The following BMPER variants were observed in gnomAD, a reference collection of about 807,000 sequenced individuals.
BMPER encodes BMP-binding endothelial regulator protein.
Under a neutral mutation model 87.3 loss-of-function variants are expected in BMPER, and 45 were observed. That is an observed-to-expected ratio of 0.52 (90% CI 0.41 to 0.66). The LOEUF (loss-of-function observed/expected upper bound fraction) is 0.66, where lower values mean the gene tolerates loss of function less well. Ranked by LOEUF, BMPER falls within the 30% of genes least tolerant of loss-of-function variation. The probability of loss-of-function intolerance (pLI) is 0.00; values close to 1 mark genes in which losing one functional copy is unlikely to be tolerated. For synonymous variants in BMPER, 326 were observed against 316.2 expected (o/e 1.03, Z -0.33); for missense variants, 784 against 867.5 (o/e 0.90, Z 1.21).
chr7:34,059,140 C>A (rs779114914), intron 10 of BMPER, among the ~76,000 whole-genome samples: 2 of 152,226 alleles, frequency 1.3e-5, no homozygotes, highest in Admixed American at 6.5e-5. Flanking sequence ...ACATGGTCTG[C>A]TTATAAATAT....
intron 2 of BMPER, among the ~76,000 whole-genome samples, chr7:33,930,733 G>T (rs1007144625): frequency 3.9e-5 from 6 of 152,164 alleles, no homozygotes; most frequent in African/African-American, 1.4e-4. Context: ...TTGAACCCAG[G>T]AGTTTGAGAC....
At chr7:34,108,867 A>G (rs147732004) in intron 13 of BMPER, among the ~76,000 whole-genome samples, 86 of 152,342 alleles carry the variant, frequency 5.6e-4, no homozygotes, top group African/African-American at 2.0e-3. Flanking sequence ...TCACCCTAAC[A>G]TAGGCTACCA....
At chr7:34,019,652 G>T (rs1200522321) in intron 6 of BMPER, among the ~76,000 whole-genome samples, 1 of 151,976 alleles carries the variant, frequency 6.6e-6, no homozygotes, top group African/African-American at 2.4e-5. Context: ...TATTCATTTT[G>T]CAAATACATG....
chr7:34,059,877 T>G (rs1788389801), intron 10 of BMPER, among the ~76,000 whole-genome samples: 1 of 152,064 alleles, frequency 6.6e-6, no homozygotes, highest in Non-Finnish European at 1.5e-5. Flanking sequence ...GGATTCCTTG[T>G]CAATCCTGCC....
intron 10 of BMPER, among the ~76,000 whole-genome samples, chr7:34,061,072 A>G (rs1788424113): frequency 6.6e-6 from 1 of 152,232 alleles, no homozygotes; most frequent in African/African-American, 2.4e-5. Context: ...GCATCTTAAT[A>G]ACAGTGATTA....
chr7:33,933,895 G>C (rs1784538553), intron 2 of BMPER, among the ~76,000 whole-genome samples: 1 of 152,188 alleles, frequency 6.6e-6, no homozygotes, highest in Admixed American at 6.5e-5. Flanking sequence ...TCCTAACATT[G>C]ATCCCTCCTC....
intron 13 of BMPER, among the ~76,000 whole-genome samples, chr7:34,130,907 G>A (rs1362452): frequency 0.55 from 83,725 of 152,068 alleles, 23,860 homozygotes; most frequent in East Asian, 0.8. Flanking sequence ...AGGGGAGAGG[G>A]TGAGGGCTCA....
At chr7:34,152,324 A>G (rs1375066046) in intron 14 of BMPER, among the ~76,000 whole-genome samples, 1 of 152,182 alleles carries the variant, frequency 6.6e-6, no homozygotes, top group African/African-American at 2.4e-5. Flanking sequence ...CTGTCACTGG[A>G]TGTAACTCAG....
At chr7:33,931,867 C>T (rs1315091293) in intron 2 of BMPER, among the ~76,000 whole-genome samples, 7 of 152,206 alleles carry the variant, frequency 4.6e-5, no homozygotes, top group Non-Finnish European at 1.0e-4. Flanking sequence ...TATTTGTGCT[C>T]AGCAATGGTG....
intron 13 of BMPER, among the ~76,000 whole-genome samples, chr7:34,123,363 A>C (rs980684889): frequency 6.6e-6 from 1 of 152,168 alleles, no homozygotes; most frequent in Non-Finnish European, 1.5e-5. Flanking sequence ...AAATATCTAG[A>C]TCATGAATCA....
At chr7:33,956,015 GACAA>G (rs894426340) in intron 3 of BMPER, among the ~76,000 whole-genome samples, 14 of 149,926 alleles carry the variant, frequency 9.3e-5, no homozygotes, top group South Asian at 4.2e-4. Context: ...TTCATAGACA[GACAA>G]ACAAACAAAC....
intron 6 of BMPER, among the ~76,000 whole-genome samples, chr7:34,044,366 A>C (rs1174306982): frequency 6.6e-6 from 1 of 152,228 alleles, no homozygotes; most frequent in African/African-American, 2.4e-5. Flanking sequence ...AGAACAGAGA[A>C]TATGAATGAA....
intron 14 of BMPER, among the ~76,000 whole-genome samples, chr7:34,143,695 A>G (rs1047948315): frequency 6.6e-6 from 1 of 152,220 alleles, no homozygotes; most frequent in Admixed American, 6.5e-5. Flanking sequence ...TGTGAAGCAA[A>G]GGAGATTCGG....
At chr7:33,974,620 G>C (rs557143361) in intron 5 of BMPER, 82 bp from the exon 6 acceptor site, 1 of 1,386,766 alleles carries the variant, frequency 7.2e-7, no homozygotes, top group Non-Finnish European at 1.0e-6. Context: ...GTGGGCAACG[G>C]ATGAACTGTG....
intron 13 of BMPER, among the ~76,000 whole-genome samples, chr7:34,115,098 A>C (rs1790076611): frequency 6.6e-6 from 1 of 152,242 alleles, no homozygotes; most frequent in Non-Finnish European, 1.5e-5. Context: ...AATGGCTTTA[A>C]ACTTGGTGCT....
intron 3 of BMPER, among the ~76,000 whole-genome samples, chr7:33,946,296 G>A (rs1305924976): frequency 1.3e-5 from 2 of 152,130 alleles, no homozygotes. Flanking sequence ...TGAGGATTAT[G>A]GGCATTACAA....
intron 6 of BMPER, chr7:34,042,834 T>G (rs747202136): frequency 2.0e-5 from 3 of 152,206 alleles, no homozygotes; most frequent in Non-Finnish European, 2.9e-5. Context: ...CAATGTCTCC[T>G]TACAGGATTG....
chr7:34,045,028 T>G (rs906407644), intron 6 of BMPER, among the ~76,000 whole-genome samples: 15 of 152,032 alleles, frequency 9.9e-5, no homozygotes, highest in Admixed American at 9.8e-4. Flanking sequence ...CCTTGTGGGG[T>G]CCACAGCTCT....
Position 33,917,568 on chromosome 7 carries a change from T to TA in BMPER, c.219+10665_219+10666insA, listed in dbSNP as rs372322893. On this transcript the variant is annotated intron_variant, in intron 2 of 14. Transcript: ENST00000649409. ...GGTGGCATCTTCACTGACCACAGCATGTCCCCCAAATGCCCTGCTTCAAGG... is the reference window on the plus strand; with the variant it reads ...GGTGGCATCTTCACTGACCACAGCATAGTCCCCCAAATGCCCTGCTTCAAGG... Among the ~76,000 whole-genome samples the TA allele has an allele frequency of 8.9e-3, 1,350 of 152,242 alleles. 15 individuals are homozygous for TA. The highest frequency in any genetic ancestry group is 0.03 in the African/African-American group (1,257 of 41,548).
Sources: gnomAD v4.1 joint callset for allele counts (sites outside exome capture counted in the v4.1 genomes callset) on GRCh38, gnomAD v4.1.1 for gene constraint, MANE v1.5 for transcripts, NCBI Gene and HGNC (gene_info 2026-07-23, HGNC 2026-07-21) for gene names.